EDARADD: variants seen among roughly 807,000 people sequenced by gnomAD.
The protein encoded by EDARADD is ectodysplasin-A receptor-associated adapter protein.
A neutral mutation model predicts 25.6 loss-of-function variants in EDARADD; 20 were observed. That is an observed-to-expected ratio of 0.78 (90% confidence interval 0.55 to 1.14). The LOEUF is 1.14. Ranked by LOEUF, EDARADD falls within the 50% of genes most tolerant of loss-of-function variation. EDARADD has a pLI of 0.00. For missense variants in EDARADD, 225 were observed against 270.1 expected (o/e 0.83, Z 1.17); for synonymous variants, 86 against 94.4 (o/e 0.91, Z 0.52).
At chr1:236,405,743 T>TTCTTTC (rs1466366268) in intron 1 of EDARADD, among the ~76,000 whole-genome samples, 1 of 47,008 alleles carries the variant, frequency 2.1e-5, no homozygotes, top group African/African-American at 7.8e-5. Flanking sequence ...CTTTCTTTCT[T>TTCTTTC]TCTTTCTTTC....
At chr1:236,355,790 A>T (rs1016536662) in intron 3 of EDARADD, among the ~76,000 whole-genome samples, 25 of 151,708 alleles carry the variant, frequency 1.6e-4, no homozygotes, top group African/African-American at 5.6e-4. Context: ...GATTACAGGC[A>T]TGAGCCACCA....
At position 236,482,449 on chromosome 1, in the gene EDARADD, T is replaced by C. The variant is rs1360853625; in HGVS notation, c.448T>C (p.Tyr150His). 2 of 1,614,210 alleles carry C rather than the reference T, an allele frequency of 1.2e-6. No homozygotes were observed. Among genetic ancestry groups the C allele is most frequent in the Admixed American group, 3.3e-5 (2 of 60,016 alleles). Reference sequence around the variant, plus strand: ...TTTTGCAAGCAAATGGGGGATGTCCTATGACGAATTGTGCTTCCTGGAGCA... The same window carrying C: ...TTTTGCAAGCAAATGGGGGATGTCCCATGACGAATTGTGCTTCCTGGAGCA... ...RNFASKWGMS[Y>H]DELCFLEQRP... The change falls in exon 6 of 6, where the codon TAT becomes CAT. Residue 150 changes from tyrosine (Y) to histidine (H), a missense_variant. By Grantham distance (83) the Tyr-to-His change is moderately conservative. Transcript: ENST00000334232.
chr1:236,371,953 A>T (rs1021000567), intron 3 of EDARADD, among the ~76,000 whole-genome samples: 1 of 150,726 alleles, frequency 6.6e-6, no homozygotes, highest in Admixed American at 6.6e-5. Context: ...TTTAATTTTT[A>T]TTTATTTATT....
Position 236,483,616 on chromosome 1 carries a change from A to G in EDARADD, c.*967A>G, listed in dbSNP as rs193138062. ...GTCATCTTGCCAGTCCCGGTGTTCA[A>G]TGTCATCAATGGCAGTTCTCATGCT... On this transcript the variant is annotated 3_prime_UTR_variant, in exon 6 of 6. Transcript: ENST00000334232. 201 of 1,542,162 alleles carry G rather than the reference A, an allele frequency of 1.3e-4. No individual in the cohort carries two copies. Among genetic ancestry groups the G allele is most frequent in the African/African-American group, 1.0e-3 (76 of 73,430 alleles).
chr1:236,463,482 G>A lies in EDARADD; in HGVS notation c.220-4749G>A, dbSNP rs181394887. On this transcript the variant is annotated intron_variant, in intron 4 of 5. Coordinates refer to ENST00000334232, the MANE Select transcript of EDARADD (RefSeq NM_145861.4). Reference sequence around the variant, plus strand: ...CTAATTTTGTATTTTTAGTAGATGCGGGGTTTCACCATGTTAGCCAGGTTG... The same window carrying A: ...CTAATTTTGTATTTTTAGTAGATGCAGGGTTTCACCATGTTAGCCAGGTTG... 2.4e-3 allele frequency among the ~76,000 whole-genome samples: 372 copies of A among 152,204 alleles called. 4 individuals carry two copies. In the South Asian group the frequency reaches 0.025, roughly 10 times the overall value.
At position 236,395,228 on chromosome 1, in the gene EDARADD, G is replaced by A. The variant is rs999307000; in HGVS notation, c.61+723G>A. Reference sequence around the variant, plus strand: ...GCAGTCTGTCCCGGGCGGCAGTCGTGTCAGCCCCCCGCTAGGACCCGCCCA... The same window carrying A: ...GCAGTCTGTCCCGGGCGGCAGTCGTATCAGCCCCCCGCTAGGACCCGCCCA... On this transcript the variant is annotated intron_variant, in intron 1 of 5. Transcript: ENST00000334232. The surrounding 1 kb of genome is among the most constrained non-coding windows in gnomAD (Gnocchi z 6.9). 2.0e-5 allele frequency among the ~76,000 whole-genome samples: 3 copies of A among 152,188 alleles called. No individual in the cohort carries two copies. Among genetic ancestry groups the A allele is most frequent in the African/African-American group, 7.2e-5 (3 of 41,448 alleles).
At chr1:236,371,072 T>G (rs927057111) in intron 3 of EDARADD, among the ~76,000 whole-genome samples, 1 of 152,216 alleles carries the variant, frequency 6.6e-6, no homozygotes, top group African/African-American at 2.4e-5. Context: ...TTCTTCAGCC[T>G]CTCAGCTTCC....
chr1:236,410,800 A>C (rs547466131), intron 2 of EDARADD, among the ~76,000 whole-genome samples: 117 of 152,278 alleles, frequency 7.7e-4, no homozygotes, highest in African/African-American at 2.7e-3. Flanking sequence ...TGTCTTGCGG[A>C]CCTGAGGTGT....
At chr1:236,458,535 A>G (rs1258132841) in intron 4 of EDARADD, among the ~76,000 whole-genome samples, 1 of 152,128 alleles carries the variant, frequency 6.6e-6, no homozygotes, top group Non-Finnish European at 1.5e-5. Flanking sequence ...AGACGTAATA[A>G]TAGATTGAGA....
chr1:236,473,925 T>C (rs677932), intron 5 of EDARADD, among the ~76,000 whole-genome samples: 73,179 of 151,914 alleles, frequency 0.48, 18,349 homozygotes, highest in African/African-American at 0.62. Flanking sequence ...TGCACCACCA[T>C]ACCTGAATAA....
chr1:236,408,425 A>T (rs1452174463), intron 1 of EDARADD, among the ~76,000 whole-genome samples: 2 of 152,094 alleles, frequency 1.3e-5, no homozygotes, highest in East Asian at 1.9e-4. Flanking sequence ...GCTGATCTTG[A>T]ACTCCTGACC....
At position 236,475,127 on chromosome 1, in the gene EDARADD, C is replaced by T. The variant is rs149474599; in HGVS notation, c.265+6851C>T. Among the ~76,000 whole-genome samples the T allele has an allele frequency of 3.0e-3, 463 of 151,968 alleles. 21 individuals carry two copies. The East Asian group carries it at 0.075, about 25-fold the overall frequency. ...CAGCCTGGGCAACAAGAGCGAGACT[C>T]CGTCTCAAAAAACAAAACAAAACAA... On this transcript the variant is annotated intron_variant, in intron 5 of 5. Transcript: ENST00000334232.
intron 5 of EDARADD, among the ~76,000 whole-genome samples, chr1:236,476,597 T>C (rs1482800566): frequency 6.6e-6 from 1 of 151,632 alleles, no homozygotes; most frequent in Non-Finnish European, 1.5e-5. Flanking sequence ...ACGATCTCGG[T>C]TCACTGCAAC....
chr1:236,475,767 A>G (rs1439799768), intron 5 of EDARADD, among the ~76,000 whole-genome samples: 1 of 151,366 alleles, frequency 6.6e-6, no homozygotes, highest in African/African-American at 2.5e-5. Flanking sequence ...TCCGTCTCAA[A>G]AAAAAAGAAA....
chr1:236,367,225 ATTTAT>A (rs71176499), intron 3 of EDARADD, among the ~76,000 whole-genome samples: 70 of 148,634 alleles, frequency 4.7e-4, no homozygotes, highest in African/African-American at 1.2e-3. Flanking sequence ...TAAGTGTTTT[ATTTAT>A]TTTATTTTAT....
chr1:236,407,078 G>A (rs1667751660), intron 1 of EDARADD, among the ~76,000 whole-genome samples: 1 of 152,216 alleles, frequency 6.6e-6, no homozygotes, highest in African/African-American at 2.4e-5. Context: ...GGGCCACACA[G>A]GAATCTGAGG....
In EDARADD at chr1:236,377,449, C is replaced by G. The variant is rs1405123976; in HGVS notation, c.-6+26610C>G. ...GGGATTACAGGCGTGAGCCACCACG[C>G]CCAGCCCAGCCCTTAACAAATTAAT... On this transcript the variant is annotated intron_variant, in intron 3 of 7. Coordinates refer to the EDARADD transcript ENST00000439430. 2.0e-5 allele frequency among the ~76,000 whole-genome samples: 3 copies of G among 150,940 alleles called. No homozygotes were observed. The East Asian group carries it at 6.0e-4, about 30-fold the overall frequency.
intron 5 of EDARADD, among the ~76,000 whole-genome samples, chr1:236,474,996 G>C (rs979539866): frequency 1.3e-5 from 2 of 152,250 alleles, no homozygotes; most frequent in South Asian, 4.2e-4. Context: ...AGCCAGGTGT[G>C]GTGGCAGACA....
intron 1 of EDARADD, among the ~76,000 whole-genome samples, chr1:236,348,538 C>T (rs1341523465): frequency 6.6e-6 from 1 of 152,236 alleles, no homozygotes; most frequent in African/African-American, 2.4e-5. Flanking sequence ...TTTGCGCCCT[C>T]ACCCTGCACA....
Sources: allele counts gnomAD v4.1 joint callset (sites outside exome capture counted in the v4.1 genomes callset), GRCh38; gene constraint gnomAD v4.1.1; non-coding constraint Gnocchi (gnomAD v3.1); transcripts MANE v1.5; gene names NCBI Gene and HGNC (gene_info 2026-07-23, HGNC 2026-07-21).